The following SPMIP2 variants were observed in gnomAD, a reference collection of about 807,000 sequenced individuals.
The protein encoded by SPMIP2 is sperm microtubule inner protein 2.
chr4:159,057,357 G>GT, the SPMIP2 span, among the ~76,000 whole-genome samples: 2 of 152,232 alleles, frequency 1.3e-5, no homozygotes, highest in Middle Eastern at 3.4e-3. Flanking sequence ...ATTAATCTGA[G>GT]TTTTTTTATA....
the SPMIP2 span, chr4:158,893,632 C>CTTAT: frequency 7.3e-7 from 1 of 1,364,134 alleles, no homozygotes; most frequent in Admixed American, 2.0e-5. Context: ...TTATTATGAT[C>CTTAT]TTATTTTTTG....
the SPMIP2 span, among the ~76,000 whole-genome samples, chr4:158,933,423 CAG>C: frequency 6.6e-6 from 1 of 152,154 alleles, no homozygotes; most frequent in African/African-American, 2.4e-5. Flanking sequence ...TGAAATGAAA[CAG>C]AGACTCACTA....
the SPMIP2 span, chr4:158,915,154 A>T: frequency 2.3e-5 from 37 of 1,597,034 alleles, no homozygotes; most frequent in African/African-American, 4.7e-4. Flanking sequence ...CGATTTAGAA[A>T]AGCAAAACAT....
At chr4:158,943,332 C>G in the SPMIP2 span, among the ~76,000 whole-genome samples, 1 of 152,072 alleles carries the variant, frequency 6.6e-6, no homozygotes, top group South Asian at 2.1e-4. Flanking sequence ...TTCTTGGATC[C>G]TATATCATGG....
At chr4:158,943,414 G>A in the SPMIP2 span, among the ~76,000 whole-genome samples, 585 of 152,212 alleles carry the variant, frequency 3.8e-3, 4 homozygotes, top group African/African-American at 0.013. Flanking sequence ...CTTCAAGTGG[G>A]CCTTCTTTGT....
the SPMIP2 span, among the ~76,000 whole-genome samples, chr4:158,984,003 T>C: frequency 4.8e-5 from 5 of 104,778 alleles, no homozygotes; most frequent in Non-Finnish European, 7.7e-5. Context: ...TCCTAGTCTC[T>C]GATAAAACAG....
At chr4:158,917,499 C>A in the SPMIP2 span, among the ~76,000 whole-genome samples, 1 of 151,920 alleles carries the variant, frequency 6.6e-6, no homozygotes, top group Admixed American at 6.6e-5. Flanking sequence ...ACACACAGTC[C>A]TTCCTTTCGC....
At chr4:158,928,810 G>A in the SPMIP2 span, among the ~76,000 whole-genome samples, 1 of 151,996 alleles carries the variant, frequency 6.6e-6, no homozygotes, top group Non-Finnish European at 1.5e-5. Flanking sequence ...GCGAGACCAC[G>A]AGCCCACCGG....
chr4:159,081,384 A>G, the SPMIP2 span, among the ~76,000 whole-genome samples: 1 of 152,084 alleles, frequency 6.6e-6, no homozygotes, highest in East Asian at 1.9e-4. Context: ...TCATGTTATT[A>G]AATAATTTTG....
chr4:158,939,707 G>A, the SPMIP2 span, among the ~76,000 whole-genome samples: 1 of 152,160 alleles, frequency 6.6e-6, no homozygotes, highest in South Asian at 2.1e-4. Context: ...GCCGGGTGTG[G>A]TGGCTCACAC....
At chr4:158,939,577 AGT>A in the SPMIP2 span, among the ~76,000 whole-genome samples, 1 of 152,236 alleles carries the variant, frequency 6.6e-6, no homozygotes, top group African/African-American at 2.4e-5. Context: ...GGACAATCCA[AGT>A]AAGTCCCACA....
the SPMIP2 span, chr4:159,007,067 T>C: frequency 5.9e-6 from 3 of 512,766 alleles, no homozygotes; most frequent in South Asian, 1.5e-5. Flanking sequence ...ATTTAAAATA[T>C]ATTGAAGCAT....
chr4:158,990,070 T>G, the SPMIP2 span, among the ~76,000 whole-genome samples: 1 of 152,178 alleles, frequency 6.6e-6, no homozygotes, highest in Non-Finnish European at 1.5e-5. Flanking sequence ...GGGTGAAGGA[T>G]ATGAACGGGT....
At chr4:159,038,912 A>T in the SPMIP2 span, among the ~76,000 whole-genome samples, 1 of 152,114 alleles carries the variant, frequency 6.6e-6, no homozygotes, top group Non-Finnish European at 1.5e-5. Flanking sequence ...GTGAGCTGGG[A>T]GGTGAGGCTG....
the SPMIP2 span, among the ~76,000 whole-genome samples, chr4:159,049,060 G>A: frequency 6.6e-6 from 1 of 151,934 alleles, no homozygotes; most frequent in African/African-American, 2.4e-5. Context: ...TACCAATTCT[G>A]ATTTTCATAG....
At chr4:159,016,106 T>C in the SPMIP2 span, among the ~76,000 whole-genome samples, 1 of 152,348 alleles carries the variant, frequency 6.6e-6, no homozygotes, top group East Asian at 1.9e-4. Context: ...TTAGAATTCG[T>C]AATTTTAAAA....
chr4:158,919,550 G>A, the SPMIP2 span, among the ~76,000 whole-genome samples: 2 of 152,160 alleles, frequency 1.3e-5, no homozygotes, highest in Non-Finnish European at 2.9e-5. Context: ...TACTGATGAT[G>A]TTCACTTAGG....
the SPMIP2 span, among the ~76,000 whole-genome samples, chr4:158,977,244 G>A: frequency 6.6e-6 from 1 of 152,084 alleles, no homozygotes; most frequent in South Asian, 2.1e-4. Context: ...TTGGTTGGTA[G>A]GCTATTAATT....
the SPMIP2 span, among the ~76,000 whole-genome samples, chr4:158,935,901 G>C: frequency 6.6e-6 from 1 of 152,232 alleles, no homozygotes; most frequent in African/African-American, 2.4e-5. Context: ...CGGGGCTGCT[G>C]CTGAGCTGGG....
Sources: gnomAD v4.1 joint callset for allele counts (sites outside exome capture counted in the v4.1 genomes callset) on GRCh38, gnomAD v4.1.1 for gene constraint, MANE v1.5 for transcripts, NCBI Gene and HGNC (gene_info 2026-07-23, HGNC 2026-07-21) for gene names.